SYT2: variants seen among roughly 807,000 people sequenced by gnomAD.
SYT2 encodes synaptotagmin-2.
A neutral mutation model predicts 39.9 loss-of-function variants in SYT2; 15 were observed. The observed-to-expected ratio is 0.38, with a 90% CI of 0.25 to 0.58. The LOEUF is 0.58. Ranked by LOEUF, SYT2 falls within the 20% of genes least tolerant of loss-of-function variation. SYT2 has a pLI of 0.70. For missense variants in SYT2, 389 were observed against 530.3 expected, an observed-to-expected ratio of 0.73 and a Z score of 2.62; for synonymous variants, 181 against 204.5, an observed-to-expected ratio of 0.89 and a Z score of 0.98.
At chr1:202,672,849 T>C (rs1239064392) in intron 1 of SYT2, among the ~76,000 whole-genome samples, 3 of 145,816 alleles carry the variant, frequency 2.1e-5, no homozygotes, top group Non-Finnish European at 1.5e-5. Flanking sequence ...TGATAAAATA[T>C]ATCAATCCAC....
At position 202,593,694 on chromosome 1, in the gene SYT2, T is replaced by G. The variant is rs1690199623; in HGVS notation, c.*3063A>C. On this transcript the variant is annotated 3_prime_UTR_variant, in exon 9 of 9. Transcript: ENST00000367268. The stretch of plus-strand genomic sequence containing the variant: ...AAATCTGCCTGTAGCTCTGGCAGAG[T>G]TAGCATCCCTTCTGGAACAATTATT... 6.6e-6 allele frequency: 1 copy of G among 152,136 alleles called. No homozygotes were observed. The highest frequency in any genetic ancestry group is 1.5e-5 in the Non-Finnish European group (1 of 68,046). 9.4% of individuals were successfully genotyped at this position (152,136 alleles called of 1,614,324 possible). A position where few individuals can be genotyped will look rare whatever the true frequency, so the allele number is the denominator to read the frequency against.
At chr1:202,636,056 G>T (rs932494518) in intron 1 of SYT2, among the ~76,000 whole-genome samples, 1 of 152,170 alleles carries the variant, frequency 6.6e-6, no homozygotes, top group African/African-American at 2.4e-5. Context: ...ACCCAGGGAA[G>T]GCATCACCTC....
chr1:202,645,295 C>T (rs755927440), intron 1 of SYT2, among the ~76,000 whole-genome samples: 4 of 152,196 alleles, frequency 2.6e-5, no homozygotes, highest in South Asian at 2.1e-4. Flanking sequence ...GATGGGTGTG[C>T]GGGCTGAAGA....
intron 1 of SYT2, among the ~76,000 whole-genome samples, chr1:202,668,225 C>G (rs746007150): frequency 6.6e-6 from 1 of 152,168 alleles, no homozygotes; most frequent in African/African-American, 2.4e-5. Context: ...ATCTCTCGTG[C>G]GCTCATCCAC....
intron 1 of SYT2, among the ~76,000 whole-genome samples, chr1:202,664,943 G>C (rs1474302371): frequency 6.6e-6 from 1 of 152,200 alleles, no homozygotes; most frequent in African/African-American, 2.4e-5. Flanking sequence ...ACAGGCGTGA[G>C]CCACTGCACC....
At chr1:202,641,973 G>A (rs35608464) in intron 1 of SYT2, among the ~76,000 whole-genome samples, 3 of 150,998 alleles carry the variant, frequency 2.0e-5, no homozygotes, top group African/African-American at 7.3e-5. Context: ...TTGGGATGGG[G>A]GGTGCAGTAG....
intron 1 of SYT2, among the ~76,000 whole-genome samples, chr1:202,630,896 A>G (rs1309535741): frequency 1.3e-5 from 2 of 152,234 alleles, no homozygotes; most frequent in Non-Finnish European, 2.9e-5. Context: ...GTGGAATGGA[A>G]GTGGGCAGAG....
At chr1:202,617,942 T>C (rs1233132758) in intron 1 of SYT2, among the ~76,000 whole-genome samples, 1 of 152,168 alleles carries the variant, frequency 6.6e-6, no homozygotes, top group Admixed American at 6.5e-5. Flanking sequence ...TCTCGCTGTC[T>C]GCCAGGCTGG....
intron 1 of SYT2, among the ~76,000 whole-genome samples, chr1:202,633,439 C>A (rs1292267437): frequency 1.3e-5 from 2 of 152,038 alleles, no homozygotes; most frequent in East Asian, 1.9e-4. Context: ...CCAGCCCACA[C>A]CAAGGGCTCC....
chr1:202,645,157 C>G (rs1692054036), intron 1 of SYT2, among the ~76,000 whole-genome samples: 1 of 152,066 alleles, frequency 6.6e-6, no homozygotes, highest in African/African-American at 2.4e-5. Context: ...GAAAGGGGGA[C>G]CTGGGGTAAA....
At chr1:202,632,841 T>C (rs532020549) in intron 1 of SYT2, 14 of 152,356 alleles carry the variant, frequency 9.2e-5, no homozygotes, top group African/African-American at 3.1e-4. Flanking sequence ...TTGGTGGCCT[T>C]GGAGAAGTTA....
chr1:202,680,990 T>C (rs1653511487), intron 1 of SYT2, among the ~76,000 whole-genome samples: 1 of 152,178 alleles, frequency 6.6e-6, no homozygotes, highest in African/African-American at 2.4e-5. Flanking sequence ...GAAGCCACCA[T>C]GATGCCTCTG....
chr1:202,651,537 A>G (rs1692194147), intron 1 of SYT2, among the ~76,000 whole-genome samples: 3 of 152,168 alleles, frequency 2.0e-5, no homozygotes, highest in Admixed American at 2.0e-4. Context: ...TGCTCTGAAG[A>G]TGTTAAGAAC....
intron 1 of SYT2, among the ~76,000 whole-genome samples, chr1:202,626,520 G>GTA (rs1233997218): frequency 4.1e-5 from 6 of 146,932 alleles, no homozygotes; most frequent in Non-Finnish European, 8.9e-5. Context: ...TGGGACTACA[G>GTA]GCGTACCACC....
Position 202,690,154 on chromosome 1 carries a change from C to T in SYT2, c.-18+20104G>A, listed in dbSNP as rs541900806. Among the ~76,000 whole-genome samples, 5 of 152,228 alleles carry T rather than the reference C, an allele frequency of 3.3e-5. No homozygotes were observed. In the South Asian group the frequency reaches 1.0e-3, roughly 32 times the overall value. ...TGAAGGCAACCAACAATCTCTCCTA[C>T]ACCCCACCCACCCACGGTCCTACTG... On this transcript the variant is annotated intron_variant, in intron 1 of 8. Transcript: ENST00000367268.
intron 1 of SYT2, among the ~76,000 whole-genome samples, chr1:202,684,975 T>C (rs1181881346): frequency 6.6e-6 from 1 of 152,098 alleles, no homozygotes; most frequent in Non-Finnish European, 1.5e-5. Flanking sequence ...CAGTGGGCTG[T>C]GGACAGGGTT....
chr1:202,680,014 C>T (rs573372731), intron 1 of SYT2, among the ~76,000 whole-genome samples: 1 of 152,334 alleles, frequency 6.6e-6, no homozygotes, highest in South Asian at 2.1e-4. Context: ...CAGTTCTTAG[C>T]ATGACCAGTG....
intron 1 of SYT2, among the ~76,000 whole-genome samples, chr1:202,648,400 T>C (rs922945869): frequency 6.6e-6 from 1 of 152,202 alleles, no homozygotes; most frequent in African/African-American, 2.4e-5. Flanking sequence ...CAGGCTGGTC[T>C]CGAACTCCTG....
chr1:202,634,305 G>A (rs1691681763), intron 1 of SYT2, among the ~76,000 whole-genome samples: 1 of 152,156 alleles, frequency 6.6e-6, no homozygotes, highest in Admixed American at 6.5e-5. Flanking sequence ...ATCACCCGAT[G>A]TCAGGAGTTC....
Sources: gnomAD v4.1 joint callset for allele counts (sites outside exome capture counted in the v4.1 genomes callset) on GRCh38, gnomAD v4.1.1 for gene constraint, MANE v1.5 for transcripts, NCBI Gene and HGNC (gene_info 2026-07-23, HGNC 2026-07-21) for gene names.